ROBO2: variants seen among roughly 807,000 people sequenced by gnomAD.
ROBO2 encodes the protein roundabout guidance receptor 2.
Under a neutral mutation model 160.8 loss-of-function variants are expected in ROBO2, and 53 were observed. The ratio of observed to expected loss-of-function variants is 0.33; its 90% CI spans 0.26 to 0.41. The LOEUF is 0.41. ROBO2 is among the 10% of genes least tolerant of loss of function. ROBO2 has a pLI of 1.00. For missense variants in ROBO2, 1,577 were observed against 1,722.4 expected, an observed-to-expected ratio of 0.92 and a Z score of 1.49; for synonymous variants, 664 against 611.7, an observed-to-expected ratio of 1.09 and a Z score of -1.26.
At chr3:76,790,971 GT>G (rs1367874170) in intron 2 of ROBO2, among the ~76,000 whole-genome samples, 1 of 151,668 alleles carries the variant, frequency 6.6e-6, no homozygotes, top group Non-Finnish European at 1.5e-5. Flanking sequence ...TAATAAAGTT[GT>G]TTTAGGATTA....
intron 2 of ROBO2, among the ~76,000 whole-genome samples, chr3:77,106,278 A>G (rs2150138364): frequency 6.6e-6 from 1 of 152,228 alleles, no homozygotes; most frequent in Non-Finnish European, 1.5e-5. Flanking sequence ...CTTGGCCTCA[A>G]GCAATCCTCT....
At position 76,974,960 on chromosome 3, in the gene ROBO2, T is replaced by TA. The variant is rs1174567563; in HGVS notation, c.110-123045dup. ...CTCTGTACAAGGATTCCTTTTGAAT[T>TA]AAAAAAAAATTCCATATGATAATAA... On this transcript the variant is annotated intron_variant, in intron 2 of 26. Transcript: ENST00000487694. Among the ~76,000 whole-genome samples the TA allele has an allele frequency of 1.8e-4, 27 of 151,734 alleles. 1 individual carries two copies. The East Asian group carries it at 2.7e-3, about 15-fold the overall frequency.
At chr3:77,495,415 A>G (rs1582453301) in intron 5 of ROBO2, among the ~76,000 whole-genome samples, 1 of 152,236 alleles carries the variant, frequency 6.6e-6, no homozygotes, top group Non-Finnish European at 1.5e-5. Flanking sequence ...ATAGGTAATA[A>G]TTAAGTAAAG....
intron 2 of ROBO2, among the ~76,000 whole-genome samples, chr3:76,478,885 C>A (rs1362635982): frequency 6.6e-6 from 1 of 151,910 alleles, no homozygotes; most frequent in African/African-American, 2.4e-5. Context: ...CCCAAGTTGG[C>A]TTCCTGGCCT....
At chr3:77,624,503 T>C (rs535112465) in intron 23 of ROBO2, among the ~76,000 whole-genome samples, 1 of 152,230 alleles carries the variant, frequency 6.6e-6, no homozygotes, top group African/African-American at 2.4e-5. Flanking sequence ...GGTAGATGTA[T>C]ATAGAGACTG....
At chr3:75,961,824 G>A (rs1226322753) in intron 2 of ROBO2, among the ~76,000 whole-genome samples, 3 of 151,404 alleles carry the variant, frequency 2.0e-5, no homozygotes, top group Admixed American at 1.3e-4. Flanking sequence ...ATTATTTAAG[G>A]TATATTTCTG....
intron 2 of ROBO2, among the ~76,000 whole-genome samples, chr3:76,880,838 A>T (rs919681716): frequency 6.6e-6 from 1 of 152,324 alleles, no homozygotes; most frequent in Non-Finnish European, 1.5e-5. Flanking sequence ...AAGCATTCTT[A>T]GAAGTTTGGA....
chr3:77,629,706 C>T (rs1284453232), intron 23 of ROBO2: 2 of 152,046 alleles, frequency 1.3e-5, no homozygotes, highest in East Asian at 3.8e-4. Flanking sequence ...ATTTAATAAA[C>T]TTTCTAAGAG....
chr3:77,095,736 A>T (rs2070965210), intron 1 of ROBO2, among the ~76,000 whole-genome samples: 1 of 152,188 alleles, frequency 6.6e-6, no homozygotes, highest in African/African-American at 2.4e-5. Context: ...ACCTACTTCT[A>T]TTCAGCCACT....
At chr3:77,527,642 G>A (rs1404031978) in intron 6 of ROBO2, among the ~76,000 whole-genome samples, 1 of 151,430 alleles carries the variant, frequency 6.6e-6, no homozygotes, top group Non-Finnish European at 1.5e-5. Context: ...TTATGTAAGA[G>A]AATAAATGAA....
At chr3:76,067,888 G>T (rs1296083486) in intron 2 of ROBO2, among the ~76,000 whole-genome samples, 1 of 152,144 alleles carries the variant, frequency 6.6e-6, no homozygotes, top group Non-Finnish European at 1.5e-5. Context: ...TGTAATATGT[G>T]ATAGATAGTA....
chr3:75,934,663 T>A (rs1452297631), intron 1 of ROBO2, among the ~76,000 whole-genome samples: 1 of 152,180 alleles, frequency 6.6e-6, no homozygotes, highest in Non-Finnish European at 1.5e-5. Context: ...TCCATAAACA[T>A]CAACTCAGAG....
chr3:77,372,307 A>G (rs7429343), intron 2 of ROBO2, among the ~76,000 whole-genome samples: 61,621 of 151,962 alleles, frequency 0.41, 13,230 homozygotes, highest in East Asian at 0.71. Context: ...AAAGAGATGC[A>G]TAAATCAATA....
intron 2 of ROBO2, among the ~76,000 whole-genome samples, chr3:76,868,651 T>C (rs1190828760): frequency 2.6e-5 from 4 of 152,178 alleles, no homozygotes; most frequent in African/African-American, 7.2e-5. Flanking sequence ...GATCACATTA[T>C]GTTTTACAAC....
At chr3:77,354,574 C>T (rs895390122) in intron 2 of ROBO2, among the ~76,000 whole-genome samples, 4 of 152,178 alleles carry the variant, frequency 2.6e-5, no homozygotes, top group African/African-American at 9.7e-5. Context: ...AGATTGTCAA[C>T]TGAAATGTCC....
At chr3:76,123,345 A>G (rs1409994389) in intron 2 of ROBO2, among the ~76,000 whole-genome samples, 1 of 152,132 alleles carries the variant, frequency 6.6e-6, no homozygotes. Context: ...TATTGAAGGA[A>G]CAATATTTTC....
At chr3:77,024,762 G>A (rs1174357020) in intron 2 of ROBO2, among the ~76,000 whole-genome samples, 2 of 152,164 alleles carry the variant, frequency 1.3e-5, no homozygotes, top group African/African-American at 4.8e-5. Context: ...ATGAATCTCA[G>A]TATGACCATT....
At chr3:77,344,867 A>G (rs898221637) in intron 2 of ROBO2, among the ~76,000 whole-genome samples, 2 of 152,126 alleles carry the variant, frequency 1.3e-5, no homozygotes, top group African/African-American at 4.8e-5. Context: ...CTCCATGAAC[A>G]TACTGTTTCT....
intron 2 of ROBO2, chr3:76,434,776 C>A: frequency 2.4e-6 from 3 of 1,262,928 alleles, no homozygotes; most frequent in South Asian, 1.2e-5. Flanking sequence ...GCCCTGTTTG[C>A]GCAGATTAAT....
Sources: gnomAD v4.1 joint callset for allele counts (sites outside exome capture counted in the v4.1 genomes callset) on GRCh38, gnomAD v4.1.1 for gene constraint, MANE v1.5 for transcripts, NCBI Gene and HGNC (gene_info 2026-07-23, HGNC 2026-07-21) for gene names.